ZNF335: variants seen among roughly 807,000 people sequenced by gnomAD.
The protein encoded by ZNF335 is zinc finger protein 335, also known as NRC-interacting factor 1.
ZNF335 carries 84 observed loss-of-function variants against 145.6 expected under a neutral mutation model. That is an observed-to-expected ratio of 0.58 (90% CI 0.48 to 0.69). ZNF335 has a LOEUF of 0.69. Ranked by LOEUF, ZNF335 falls within the 30% of genes least tolerant of loss-of-function variation. The pLI is 0.00. For missense variants in ZNF335, 1,865 were observed against 1,809.7 expected (o/e 1.03, Z -0.55); for synonymous variants, 761 against 717.0 (o/e 1.06, Z -0.98).
At chr20:45,963,268 T>TTCCCAGCCCC (rs2083884509) in intron 9 of ZNF335, among the ~76,000 whole-genome samples, 1 of 152,184 alleles carries the variant, frequency 6.6e-6, no homozygotes. Flanking sequence ...GTGGCAGCCC[T>TTCCCAGCCCC]TCCCAGCCCC....
chr20:45,971,907 T>A (rs2084079892), intron 1 of ZNF335: 1 of 985,358 alleles, frequency 1.0e-6, no homozygotes, highest in Non-Finnish European at 1.2e-6. Context: ...TTTGGGGCTG[T>A]CCCCGGCGCT....
Position 45,963,507 on chromosome 20 carries a change from C to T in ZNF335, c.1499G>A (p.Cys500Tyr). ...GGACCAGCGGCGGGAACGATAGCTG[C>T]ACTGCAGGCACTTGAAGAGCTGGGG... Reference protein sequence around the residue: ...GDPQLFKCLQCSYRSRRWSSL... With the variant: ...GDPQLFKCLQYSYRSRRWSSL... The change falls in exon 9 of 28, where the codon TGC (cysteine) becomes TAC (tyrosine). Residue 500 changes from cysteine (C) to tyrosine (Y), a missense_variant. By Grantham distance (194) the Cys-to-Tyr change is radical. Transcript: ENST00000322927. 6.2e-7 allele frequency: 1 copy of T among 1,614,036 alleles called. No homozygotes were observed.
At position 45,960,771 on chromosome 20, in the gene ZNF335, T is replaced by C. The variant is rs201505569; in HGVS notation, c.1666-39A>G. On this transcript the variant is annotated intron_variant, in intron 11 of 27. Coordinates refer to ENST00000322927, the MANE Select transcript of ZNF335 (RefSeq NM_022095.4). Reference sequence around the variant, plus strand: ...AGAAGGGGCCAGATGGAGAAAGAAGTGGAGGAGGGAGGATAAAACCTCCCC... The same window carrying C: ...AGAAGGGGCCAGATGGAGAAAGAAGCGGAGGAGGGAGGATAAAACCTCCCC... 8.7e-6 allele frequency: 14 copies of C among 1,612,404 alleles called. No homozygotes were observed. In the East Asian group the frequency reaches 2.9e-4, roughly 33 times the overall value.
At position 45,971,321 on chromosome 20, in the gene ZNF335, GC is replaced by G; in HGVS notation, c.89del (p.Gly30AlafsTer70). The G allele has an allele frequency of 6.3e-7, 1 of 1,596,628 alleles. No individual in the cohort carries two copies. The highest frequency in any genetic ancestry group is 8.5e-7 in the Non-Finnish European group (1 of 1,178,232). On this transcript the variant is annotated frameshift_variant, in exon 2 of 28. Coordinates refer to ENST00000322927, the MANE Select transcript of ZNF335 (RefSeq NM_022095.4). LOFTEE classifies it high-confidence loss of function. ...EEPSESGLGV[G>X]TSEAVSADSS... is the part of the protein sequence containing the mutation. The stretch of plus-strand genomic sequence containing the variant: ...TGTCGGCGGACACGGCTTCTGAGGT[GC>G]CCACACCCAGGCCGCTCTCAGAGGG...
intron 7 of ZNF335, 125 bp downstream of exon 7, chr20:45,965,503 G>A (rs1600544275): frequency 1.7e-6 from 2 of 1,192,296 alleles, no homozygotes; most frequent in South Asian, 1.6e-5. Flanking sequence ...GAGGCCTGCA[G>A]GTGACCCGGT....
At position 45,969,703 on chromosome 20, in the gene ZNF335, G is replaced by T; in HGVS notation, c.202-12C>A. On this transcript the variant is annotated splice_polypyrimidine_tract_variant and intron_variant, in intron 2 of 27. Coordinates refer to ENST00000322927, the MANE Select transcript of ZNF335 (RefSeq NM_022095.4). ...TCAGATACCTCCTCCTGAGGGGCAT[G>T]AAACAGGGAGGGAAAAAGTTTAGCA... 1 of 1,609,124 alleles carries T rather than the reference G, an allele frequency of 6.2e-7. No individual in the cohort carries two copies.
At chr20:45,966,107 C>T (rs1283880577) in intron 6 of ZNF335, among the ~76,000 whole-genome samples, 1 of 152,166 alleles carries the variant, frequency 6.6e-6, no homozygotes, top group Non-Finnish European at 1.5e-5. Flanking sequence ...CTACGGCTGC[C>T]CTATCCAAAA....
intron 1 of ZNF335, chr20:45,971,749 C>T (rs971175267): frequency 1.0e-6 from 1 of 985,478 alleles, no homozygotes; most frequent in Admixed American, 6.1e-5. Context: ...GAGCCCCATC[C>T]GGGCCCAGTG....
chr20:45,953,510 C>A (rs1007772545), intron 18 of ZNF335, among the ~76,000 whole-genome samples, 179 bp downstream of exon 18: 14 of 152,236 alleles, frequency 9.2e-5, no homozygotes, highest in Admixed American at 3.3e-4. Context: ...CTTGGAATAT[C>A]TAAGTGGCTA....
At chr20:45,968,256 C>A (rs1167061183) in intron 4 of ZNF335, 29 bp downstream of exon 4, 1 of 1,607,362 alleles carries the variant, frequency 6.2e-7, no homozygotes, top group Non-Finnish European at 8.5e-7. Context: ...CACTGCAGGC[C>A]TCCCCGATTC....
chr20:45,967,803 T>A lies in ZNF335; in HGVS notation c.745A>T (p.Met249Leu), dbSNP rs149075279. Reference sequence around the variant, plus strand: ...TTGGTGCTGCTCCGGTACTGGCACATCTTGCATTTGAACTGCTGCACCACC... The same window carrying A: ...TTGGTGCTGCTCCGGTACTGGCACAACTTGCATTTGAACTGCTGCACCACC... ...VVVVQQFKCK[M>L]CQYRSSTKAT... is the part of the protein sequence containing the mutation. Residue 249 changes from methionine (M) to leucine (L), a missense_variant, in exon 5 of 28, where the codon ATG becomes TTG. Coordinates refer to ENST00000322927, the MANE Select transcript of ZNF335 (RefSeq NM_022095.4). The A allele has an allele frequency of 4.3e-5, 70 of 1,613,446 alleles. No individual in the cohort carries two copies. Among genetic ancestry groups the A allele is most frequent in the Non-Finnish European group, 4.7e-5 (55 of 1,180,030 alleles).
At position 45,965,634 on chromosome 20, in the gene ZNF335, G is replaced by A; in HGVS notation, c.1096C>T (p.Pro366Ser). ...KLPRLEISDL[P>S]DGVEGEPLVS... ...TCCCAAGACCAAGCCTCACCATCTGGGAGGTCTGAGATCTCCAGGCGGGGC... is the reference window on the plus strand; with the variant it reads ...TCCCAAGACCAAGCCTCACCATCTGAGAGGTCTGAGATCTCCAGGCGGGGC... Residue 366 changes from proline (P) to serine (S), a missense_variant, in exon 7 of 28, where the codon CCA becomes TCA. Coordinates refer to ENST00000322927, the MANE Select transcript of ZNF335 (RefSeq NM_022095.4). 1 of 1,597,426 alleles carries A rather than the reference G, an allele frequency of 6.3e-7. No homozygotes were observed. Among genetic ancestry groups the A allele is most frequent in the Middle Eastern group, 1.9e-4 (1 of 5,150 alleles).
At chr20:45,968,510 C>A in intron 3 of ZNF335, 148 bp from the exon 4 acceptor site, 1 of 675,680 alleles carries the variant, frequency 1.5e-6, no homozygotes, top group Non-Finnish European at 2.5e-6. Flanking sequence ...CTGTGTCACC[C>A]CTGAGCCTCA....
intron 18 of ZNF335, among the ~76,000 whole-genome samples, chr20:45,953,113 G>A (rs576207416): frequency 6.6e-6 from 1 of 152,328 alleles, no homozygotes; most frequent in African/African-American, 2.4e-5. Context: ...CTGGCCAAGG[G>A]CATGGGCCTG....
At chr20:45,949,723 A>G in intron 24 of ZNF335, 77 bp downstream of exon 24, 3 of 1,559,490 alleles carry the variant, frequency 1.9e-6, no homozygotes, top group African/African-American at 1.4e-5. Flanking sequence ...TTTGGAAAGT[A>G]TCATTCCTCC....
chr20:45,950,491 T>C lies in ZNF335; in HGVS notation c.3294A>G (p.Thr1098=), dbSNP rs143667438. Residue 1098 remains threonine, a synonymous_variant, in exon 21 of 28, where the codon ACA becomes ACG. Coordinates refer to ENST00000322927, the MANE Select transcript of ZNF335 (RefSeq NM_022095.4). ...KDLRRHMLTH[T]KEKPFACHLC... is the part of the protein sequence containing the mutation. ...GGTGGCATGCAAAAGGCTTCTCCTTTGTGTGAGTCAGCATGTGCCGACGCA... is the reference window on the plus strand; with the variant it reads ...GGTGGCATGCAAAAGGCTTCTCCTTCGTGTGAGTCAGCATGTGCCGACGCA... The C allele has an allele frequency of 6.2e-7, 1 of 1,614,200 alleles. No individual in the cohort carries two copies. The highest frequency in any genetic ancestry group is 1.3e-5 in the African/African-American group (1 of 75,058).
At chr20:45,968,247 A>G in intron 4 of ZNF335, 38 bp downstream of exon 4, 2 of 1,598,352 alleles carry the variant, frequency 1.3e-6, no homozygotes, top group Admixed American at 1.7e-5. Flanking sequence ...CCCCCTGCCC[A>G]CTGCAGGCCT....
intron 17 of ZNF335, among the ~76,000 whole-genome samples, chr20:45,956,367 T>C (rs2083729051): frequency 6.6e-6 from 1 of 152,100 alleles, no homozygotes; most frequent in South Asian, 2.1e-4. Context: ...TGGCTGGGAT[T>C]ACAGACGTGT....
rs2083901434 is a variant in ZNF335, at chr20:45,963,906, C to A, written c.1187G>T (p.Gly396Val). The part of the protein sequence containing the change: ...PQDPEAPSSS[G>V]PGHLVAMGKV... ...GCCCATGGCCACCAGGTGTCCTGGG[C>A]CTGAGGAGCTGGGAGCCTCGGGATC... The change falls in exon 8 of 28, where the codon GGC (glycine) becomes GTC (valine). Residue 396 changes from glycine (G) to valine (V), a missense_variant. Coordinates refer to ENST00000322927, the MANE Select transcript of ZNF335 (RefSeq NM_022095.4). 6.3e-7 allele frequency: 1 copy of A among 1,589,658 alleles called. No individual in the cohort carries two copies.
Sources: gnomAD v4.1 joint callset for allele counts (sites outside exome capture counted in the v4.1 genomes callset) on GRCh38, gnomAD v4.1.1 for gene constraint, MANE v1.5 for transcripts, NCBI Gene and HGNC (gene_info 2026-07-23, HGNC 2026-07-21) for gene names.